The following TNFSF4 variants were observed in gnomAD, a reference collection of about 807,000 sequenced individuals.
The protein encoded by TNFSF4 is TNF superfamily member 4, also known as tumor necrosis factor ligand superfamily member 4.
A neutral mutation model predicts 7.3 loss-of-function variants in TNFSF4; 4 were observed. That is an observed-to-expected ratio of 0.55 (90% CI 0.27 to 1.25). The LOEUF (loss-of-function observed/expected upper bound fraction) is 1.25. Ranked by LOEUF, TNFSF4 falls within the 50% of genes most tolerant of loss-of-function variation. TNFSF4 has a pLI of 0.12. For synonymous variants in TNFSF4, 76 were observed against 83.7 expected (o/e 0.91, Z 0.50); for missense variants, 181 against 208.8 (o/e 0.87, Z 0.82).
chr1:173,420,873 G>T, the TNFSF4 span, among the ~76,000 whole-genome samples: 1 of 152,106 alleles, frequency 6.6e-6, no homozygotes, highest in African/African-American at 2.4e-5. Flanking sequence ...TTTAGAGTCA[G>T]AAACTTTTCC....
rs138587935 is a variant in TNFSF4 at position 173,205,978 on chromosome 1, G to A, written c.153+1046C>T. ...CACACACACTCTTACCAGCCTCCAT[G>A]CACTGAAAACCCTATTTCCTGTAGG... On this transcript the variant is annotated intron_variant, in intron 1 of 2. Transcript: ENST00000281834. 8.5e-5 allele frequency among the ~76,000 whole-genome samples: 13 copies of A among 152,272 alleles called. No homozygotes were observed. The South Asian group carries it at 1.9e-3, about 22-fold the overall frequency.
chr1:173,330,338 GT>G, the TNFSF4 span, among the ~76,000 whole-genome samples: 1 of 150,368 alleles, frequency 6.7e-6, no homozygotes, highest in Non-Finnish European at 1.5e-5. Context: ...ATTATATATT[GT>G]TATATATGTT....
the TNFSF4 span, among the ~76,000 whole-genome samples, chr1:173,309,141 C>T: frequency 6.6e-6 from 1 of 151,910 alleles, no homozygotes; most frequent in African/African-American, 2.4e-5. Flanking sequence ...AGATGTTCTA[C>T]ATCTGAATGT....
At chr1:173,435,240 T>C in the TNFSF4 span, among the ~76,000 whole-genome samples, 1 of 152,208 alleles carries the variant, frequency 6.6e-6, no homozygotes, top group Non-Finnish European at 1.5e-5. Flanking sequence ...TCAATAGATA[T>C]GACCCAGAGA....
chr1:173,322,498 G>A, the TNFSF4 span, among the ~76,000 whole-genome samples: 1 of 152,112 alleles, frequency 6.6e-6, no homozygotes, highest in Non-Finnish European at 1.5e-5. Context: ...TTCCAACTGA[G>A]GTACCGGGTT....
the TNFSF4 span, among the ~76,000 whole-genome samples, chr1:173,243,472 C>G: frequency 1.3e-5 from 2 of 152,182 alleles, no homozygotes; most frequent in Non-Finnish European, 2.9e-5. Flanking sequence ...TTATTAAATT[C>G]TTTCTCTACT....
the TNFSF4 span, among the ~76,000 whole-genome samples, chr1:173,391,435 C>CAA: frequency 5.4e-4 from 59 of 108,804 alleles, no homozygotes; most frequent in African/African-American, 1.8e-3. Flanking sequence ...CCTTAGAAAG[C>CAA]AAAAAAAAAA....
At chr1:173,415,034 C>T in the TNFSF4 span, among the ~76,000 whole-genome samples, 1 of 152,214 alleles carries the variant, frequency 6.6e-6, no homozygotes, top group African/African-American at 2.4e-5. Flanking sequence ...TAATCAAGTT[C>T]CTGTTAGTAA....
chr1:173,437,323 C>G, the TNFSF4 span, among the ~76,000 whole-genome samples: 1 of 152,132 alleles, frequency 6.6e-6, no homozygotes, highest in Non-Finnish European at 1.5e-5. Context: ...CAGACAAGGT[C>G]TCTCGGCTTT....
chr1:173,215,208 A>T, the TNFSF4 span, among the ~76,000 whole-genome samples: 1 of 152,064 alleles, frequency 6.6e-6, no homozygotes, highest in Non-Finnish European at 1.5e-5. Context: ...CAAGAAAAGA[A>T]CCCTCACCAG....
At chr1:173,431,376 C>T in the TNFSF4 span, among the ~76,000 whole-genome samples, 2 of 152,194 alleles carry the variant, frequency 1.3e-5, no homozygotes, top group Admixed American at 6.5e-5. Flanking sequence ...CACTAGAGGG[C>T]GCTCTCAGCA....
the TNFSF4 span, among the ~76,000 whole-genome samples, chr1:173,233,957 T>C: frequency 6.6e-6 from 1 of 152,106 alleles, no homozygotes; most frequent in Non-Finnish European, 1.5e-5. Context: ...GGGATCTAAT[T>C]AAACTAAAGA....
At chr1:173,308,775 T>A in the TNFSF4 span, among the ~76,000 whole-genome samples, 1 of 151,978 alleles carries the variant, frequency 6.6e-6, no homozygotes, top group Non-Finnish European at 1.5e-5. Context: ...GCTAGCCCAT[T>A]CATATGTCTA....
At chr1:173,260,951 A>ATAT in the TNFSF4 span, among the ~76,000 whole-genome samples, 78 of 152,186 alleles carry the variant, frequency 5.1e-4, 2 homozygotes, top group Admixed American at 2.0e-4. Flanking sequence ...ATTAATAAAG[A>ATAT]TATTCAGGGC....
chr1:173,439,668 G>A, the TNFSF4 span, among the ~76,000 whole-genome samples: 11 of 152,166 alleles, frequency 7.2e-5, no homozygotes, highest in Admixed American at 5.9e-4. Context: ...ATTGCTATAG[G>A]TGCCAGTCAG....
chr1:173,379,556 C>T, the TNFSF4 span, among the ~76,000 whole-genome samples: 3 of 152,102 alleles, frequency 2.0e-5, no homozygotes, highest in East Asian at 5.8e-4. Flanking sequence ...ACCCAATCAG[C>T]CACAGATATC....
At chr1:173,204,072 C>T (rs1650065039) in intron 1 of TNFSF4, among the ~76,000 whole-genome samples, 1 of 152,174 alleles carries the variant, frequency 6.6e-6, no homozygotes, top group African/African-American at 2.4e-5. Context: ...TAGATATGTA[C>T]AGAATATATA....
the TNFSF4 span, among the ~76,000 whole-genome samples, chr1:173,407,362 C>T: frequency 2.0e-4 from 30 of 151,926 alleles, no homozygotes; most frequent in Admixed American, 7.2e-4. Context: ...TCACTTGAGA[C>T]CACCCTAGGC....
the TNFSF4 span, among the ~76,000 whole-genome samples, chr1:173,319,897 A>G: frequency 6.6e-6 from 1 of 152,228 alleles, no homozygotes; most frequent in Non-Finnish European, 1.5e-5. Flanking sequence ...AAAGATGAGG[A>G]AAAACCAGCA....
Sources: gnomAD v4.1 joint callset for allele counts (sites outside exome capture counted in the v4.1 genomes callset) on GRCh38, gnomAD v4.1.1 for gene constraint, MANE v1.5 for transcripts, NCBI Gene and HGNC (gene_info 2026-07-23, HGNC 2026-07-21) for gene names.